Variants in C8B observed in about 807,000 individuals in gnomAD.
C8B encodes the protein complement C8 beta chain.
Under a neutral mutation model 64.6 loss-of-function variants are expected in C8B, and 67 were observed. That is an observed-to-expected ratio of 1.04 (90% CI 0.85 to 1.27). The LOEUF (loss-of-function observed/expected upper bound fraction) is 1.27. C8B is among the 50% of genes most tolerant of loss of function. The pLI, the probability that C8B is intolerant of heterozygous loss-of-function variation, is 0.00. For missense variants in C8B, 790 were observed against 725.2 expected (o/e 1.09, Z -1.03); for synonymous variants, 284 against 257.7 (o/e 1.10, Z -0.98).
intron 9 of C8B, among the ~76,000 whole-genome samples, chr1:56,938,803 A>G (rs548136897): frequency 1.6e-3 from 239 of 152,290 alleles, no homozygotes; most frequent in Middle Eastern, 0.01. Context: ...CTTGAAATCA[A>G]CTGCCACTCC....
chr1:56,935,554 T>G (rs2101366641), intron 9 of C8B, among the ~76,000 whole-genome samples: 1 of 152,344 alleles, frequency 6.6e-6, no homozygotes, highest in South Asian at 2.1e-4. Flanking sequence ...TACACAAGTT[T>G]CCATACTAAA....
rs750015764 is a variant in C8B, at chr1:56,933,347, G to A, written c.1540C>T (p.Pro514Ser). 3 of 1,613,582 alleles carry A rather than the reference G, an allele frequency of 1.9e-6. No individual in the cohort carries two copies. Among genetic ancestry groups the A allele is most frequent in the Admixed American group, 3.3e-5 (2 of 59,982 alleles). Reference protein sequence around the residue: ...HCAPCQGNGVPVLKGSRCDCI... With the variant: ...HCAPCQGNGVSVLKGSRCDCI... ...CTGAAAGTGGTACCTTTCAGGACAG[G>A]GACTCCATTTCCTTGGCAGGGAGCA... The change falls in exon 10 of 12, where the codon CCT (proline) becomes TCT (serine). Residue 514 changes from proline (P) to serine (S), a missense_variant. Physicochemically the swap from Pro to Ser is moderately conservative, Grantham distance 74. Coordinates refer to ENST00000371237, the MANE Select transcript of C8B (RefSeq NM_000066.4).
At chr1:56,937,536 C>T (rs1644792456) in intron 9 of C8B, among the ~76,000 whole-genome samples, 1 of 152,116 alleles carries the variant, frequency 6.6e-6, no homozygotes, top group Admixed American at 6.5e-5. Flanking sequence ...GGCTTCTCTA[C>T]CAGCATAGGA....
rs1389489842 is a variant in C8B at position 56,954,707 on chromosome 1, C to T, written c.512G>A (p.Gly171Glu). The change falls in exon 4 of 12, where the codon GGA becomes GAA. Residue 171 changes from glycine to glutamate, a missense_variant. Gly to Glu is a moderately conservative substitution (Grantham distance 98, BLOSUM62 -2). Coordinates refer to ENST00000371237, the MANE Select transcript of C8B (RefSeq NM_000066.4). ...TTACCCACTGGCCAGACTGCCAATT[C>T]CCCAGTATTGGTCCATTTCATGCTG... ...KCQHEMDQYWGIGSLASGINL... is the reference protein window; with the variant it reads ...KCQHEMDQYWEIGSLASGINL... 1.9e-5 allele frequency: 31 copies of T among 1,614,072 alleles called. No homozygotes were observed. Among genetic ancestry groups the T allele is most frequent in the Non-Finnish European group, 2.5e-5 (30 of 1,180,020 alleles).
intron 6 of C8B, among the ~76,000 whole-genome samples, chr1:56,947,845 C>T (rs1045360236): frequency 4.6e-5 from 7 of 152,022 alleles, no homozygotes; most frequent in Admixed American, 1.3e-4. Flanking sequence ...GCAGGAGAAT[C>T]GCTTGAACCC....
chr1:56,948,749 G>C (rs1202549327), intron 6 of C8B, among the ~76,000 whole-genome samples: 1 of 152,132 alleles, frequency 6.6e-6, no homozygotes, highest in Non-Finnish European at 1.5e-5. Flanking sequence ...AAACAGGAGA[G>C]CAATGGTTTG....
chr1:56,936,838 C>A (rs1466500929), intron 9 of C8B, among the ~76,000 whole-genome samples: 5 of 152,066 alleles, frequency 3.3e-5, no homozygotes, highest in African/African-American at 1.2e-4. Flanking sequence ...TGTCATCCAC[C>A]CACCTTGGCC....
chr1:56,954,322 A>G (rs1203969713), intron 4 of C8B, among the ~76,000 whole-genome samples: 2 of 152,134 alleles, frequency 1.3e-5, no homozygotes, highest in African/African-American at 4.8e-5. Flanking sequence ...CAAGTTGTCA[A>G]TAGGATTCAA....
At chr1:56,955,009 C>T (rs985811383) in intron 3 of C8B, among the ~76,000 whole-genome samples, 182 bp from the exon 4 acceptor site, 8 of 152,150 alleles carry the variant, frequency 5.3e-5, no homozygotes, top group Non-Finnish European at 1.2e-4. Context: ...TCTATTGCCA[C>T]CTCCCTCAGC....
At chr1:56,949,888 C>T (rs990736546) in intron 5 of C8B, 136 bp from the exon 6 acceptor site, 2 of 691,906 alleles carry the variant, frequency 2.9e-6, no homozygotes. Flanking sequence ...AAATCAGGGC[C>T]GATTTGTGTC....
At chr1:56,936,514 ATT>A (rs11310458) in intron 9 of C8B, among the ~76,000 whole-genome samples, 7,814 of 102,058 alleles carry the variant, frequency 0.077, 516 homozygotes, top group African/African-American at 0.2. Context: ...TTTGTGGTAA[ATT>A]TTTTTTTTTT....
chr1:56,929,592 C>T, intron 11 of C8B, 34 bp from the exon 12 acceptor site: 2 of 1,606,360 alleles, frequency 1.2e-6, no homozygotes, highest in Non-Finnish European at 1.7e-6. Flanking sequence ...CATCAATCAG[C>T]ACTTCTTATA....
intron 11 of C8B, chr1:56,931,491 T>A: frequency 2.9e-6 from 1 of 348,368 alleles, no homozygotes; most frequent in South Asian, 2.3e-5. Flanking sequence ...CGTGCTGGAA[T>A]TTGAGGGCTG....
In C8B at chr1:56,946,077, A is replaced by G; in HGVS notation, c.865-16T>C. 1 of 1,613,872 alleles carries G rather than the reference A, an allele frequency of 6.2e-7. No individual in the cohort carries two copies. Among genetic ancestry groups the G allele is most frequent in the Non-Finnish European group, 8.5e-7 (1 of 1,179,942 alleles). On this transcript the variant is annotated splice_polypyrimidine_tract_variant and intron_variant, in intron 6 of 11. Coordinates refer to ENST00000371237, the MANE Select transcript of C8B (RefSeq NM_000066.4). ...ATACGCTTTTCTAAATGAAATACCA[A>G]CATGGGAAAACCAGACCTTTAAAGT...
intron 9 of C8B, among the ~76,000 whole-genome samples, chr1:56,935,185 T>C (rs898455057): frequency 8.5e-5 from 13 of 152,180 alleles, no homozygotes; most frequent in African/African-American, 3.1e-4. Context: ...AAAAATGGCT[T>C]GATTATTCCC....
intron 1 of C8B, among the ~76,000 whole-genome samples, chr1:56,962,850 C>T (rs1314084298): frequency 6.6e-6 from 1 of 152,110 alleles, no homozygotes; most frequent in Non-Finnish European, 1.5e-5. Flanking sequence ...CTTGTGTGTG[C>T]TTTATTCATA....
At chr1:56,962,415 AACG>A (rs888206639) in intron 1 of C8B, among the ~76,000 whole-genome samples, 4 of 152,224 alleles carry the variant, frequency 2.6e-5, no homozygotes, top group African/African-American at 9.6e-5. Flanking sequence ...TCCTGGGACT[AACG>A]AGGAGCCACA....
At chr1:56,948,805 G>C (rs1314509370) in intron 6 of C8B, among the ~76,000 whole-genome samples, 1 of 152,162 alleles carries the variant, frequency 6.6e-6, no homozygotes, top group African/African-American at 2.4e-5. Flanking sequence ...GAGGTCTTGG[G>C]TAACATTCCA....
In C8B at chr1:56,949,765, A is replaced by G; in HGVS notation, c.667-13T>C. The G allele has an allele frequency of 6.3e-7, 1 of 1,589,482 alleles. No individual in the cohort carries two copies. The highest frequency in any genetic ancestry group is 2.2e-5 in the East Asian group (1 of 44,618). On this transcript the variant is annotated splice_polypyrimidine_tract_variant and intron_variant, in intron 5 of 11. Transcript: ENST00000371237. ...ATTTGCCTTGGGTCTAAAGAAGAAAAAAGAAAGGGTTTTTTATTTCATTTG... is the reference window on the plus strand; with the variant it reads ...ATTTGCCTTGGGTCTAAAGAAGAAAGAAGAAAGGGTTTTTTATTTCATTTG...
Sources: gnomAD v4.1 joint callset for allele counts (sites outside exome capture counted in the v4.1 genomes callset) on GRCh38, gnomAD v4.1.1 for gene constraint, MANE v1.5 for transcripts, NCBI Gene and HGNC (gene_info 2026-07-23, HGNC 2026-07-21) for gene names.